Variants in SMAD1 observed in about 807,000 individuals in gnomAD.
SMAD1 encodes the protein MAD, mothers against decapentaplegic homolog 1.
A neutral mutation model predicts 41.6 loss-of-function variants in SMAD1; 6 were observed. The ratio of observed to expected loss-of-function variants is 0.14; its 90% CI spans 0.08 to 0.28. The LOEUF (loss-of-function observed/expected upper bound fraction) is 0.28, where lower values mean the gene tolerates loss of function less well. SMAD1 is among the 10% of genes least tolerant of loss of function. SMAD1 has a pLI of 1.00. For missense variants in SMAD1, 379 were observed against 582.6 expected (o/e 0.65, Z 3.60); for synonymous variants, 206 against 203.2 (o/e 1.01, Z -0.12).
At chr4:145,549,202 G>A (rs1244412361) in intron 5 of SMAD1, among the ~76,000 whole-genome samples, 1 of 152,144 alleles carries the variant, frequency 6.6e-6, no homozygotes, top group South Asian at 2.1e-4. Flanking sequence ...GTGCTGAACA[G>A]GAGAAAAAAT....
intron 2 of SMAD1, among the ~76,000 whole-genome samples, chr4:145,523,784 G>A (rs988364093): frequency 1.3e-5 from 2 of 152,192 alleles, no homozygotes; most frequent in Non-Finnish European, 2.9e-5. Context: ...AGAGGCTTCT[G>A]GCAGGAGGGG....
intron 2 of SMAD1, 107 bp downstream of exon 2, chr4:145,515,120 A>T (rs959472997): frequency 1.0e-5 from 11 of 1,090,362 alleles, no homozygotes; most frequent in Non-Finnish European, 1.4e-5. Context: ...GTAATTTAAA[A>T]ATATTTGGGG....
Position 145,515,024 on chromosome 4 carries a change from T to G in SMAD1, c.400+11T>G, listed in dbSNP as rs1406218829. On this transcript the variant is annotated intron_variant, in intron 2 of 6. Transcript: ENST00000302085. ...GAGTAGAAAGCCCTGGTAAGTGAGTTATTTTATGTTGATGTGCTTTGTGTG... is the reference window on the plus strand; with the variant it reads ...GAGTAGAAAGCCCTGGTAAGTGAGTGATTTTATGTTGATGTGCTTTGTGTG... 2.5e-6 allele frequency: 4 copies of G among 1,586,216 alleles called. No individual in the cohort carries two copies. The Admixed American group carries it at 7.0e-5, about 28-fold the overall frequency.
intron 2 of SMAD1, among the ~76,000 whole-genome samples, chr4:145,526,304 T>A (rs1197165541): frequency 6.6e-6 from 1 of 152,234 alleles, no homozygotes; most frequent in Non-Finnish European, 1.5e-5. Context: ...CCCTGTAGTT[T>A]CCCTATCAGT....
At chr4:145,486,795 G>T (rs1373939213) in intron 1 of SMAD1, among the ~76,000 whole-genome samples, 1 of 152,186 alleles carries the variant, frequency 6.6e-6, no homozygotes, top group African/African-American at 2.4e-5. Flanking sequence ...GAAGTCCAGA[G>T]AAGGTAACTG....
chr4:145,554,716 T>G (rs1732744622), intron 6 of SMAD1, among the ~76,000 whole-genome samples: 1 of 152,206 alleles, frequency 6.6e-6, no homozygotes, highest in South Asian at 2.1e-4. Context: ...AATAAAAATT[T>G]TTAAGATGCC....
rs11285972 is a variant in SMAD1, at chr4:145,501,641, C to CT, written c.-176-12784dup. 9.5e-3 allele frequency among the ~76,000 whole-genome samples: 1,301 copies of CT among 137,508 alleles called. 8 individuals carry two copies. Among genetic ancestry groups the CT allele is most frequent in the Non-Finnish European group, 0.014 (860 of 61,860 alleles). The allele number at this position is 137,508 out of a possible 152,430, so 90.2% of individuals were successfully genotyped here. ...ATGAAATACAGCAGGATTTTTGTTTCTTTTTTTTTTTTTAAAGGGATAGTT... is the reference window on the plus strand; with the variant it reads ...ATGAAATACAGCAGGATTTTTGTTTCTTTTTTTTTTTTTTAAAGGGATAGTT... On this transcript the variant is annotated intron_variant, in intron 1 of 6. Transcript: ENST00000302085.
chr4:145,528,084 C>G (rs981232225), intron 2 of SMAD1, among the ~76,000 whole-genome samples: 3 of 150,288 alleles, frequency 2.0e-5, no homozygotes, highest in Admixed American at 1.3e-4. Context: ...CACACACACA[C>G]ACACACACAT....
At chr4:145,545,585 ATTG>A (rs1279160003) in intron 4 of SMAD1, 2 of 140,416 alleles carry the variant, frequency 1.4e-5, no homozygotes, top group Non-Finnish European at 3.1e-5. Flanking sequence ...TGTGTTTGTT[ATTG>A]TTGTTTTGTT....
chr4:145,546,794 C>G lies in SMAD1; in HGVS notation c.867C>G (p.Ala289=). 1 of 1,613,906 alleles carries G rather than the reference C, an allele frequency of 6.2e-7. No homozygotes were observed. Among genetic ancestry groups the G allele is most frequent in the Non-Finnish European group, 8.5e-7 (1 of 1,179,780 alleles). Residue 289 remains alanine, a synonymous_variant, in exon 5 of 7, where the codon GCC becomes GCG. Transcript: ENST00000302085. ...LNNRVGEAFH[A]SSTSVLVDGF... Reference sequence around the variant, plus strand: ...ATCGTGTGGGTGAAGCGTTCCATGCCTCCTCCACAAGTGTGTTGGTGGATG... The same window carrying G: ...ATCGTGTGGGTGAAGCGTTCCATGCGTCCTCCACAAGTGTGTTGGTGGATG...
intron 2 of SMAD1, among the ~76,000 whole-genome samples, chr4:145,534,847 A>G (rs148313399): frequency 1.6e-3 from 245 of 152,342 alleles, no homozygotes; most frequent in African/African-American, 5.5e-3. Context: ...TAATCTGGGT[A>G]TAGGAGAAGG....
chr4:145,554,090 G>GT (rs1578834733), intron 6 of SMAD1, 50 bp downstream of exon 6: 38 of 1,342,766 alleles, frequency 2.8e-5, no homozygotes, highest in East Asian at 1.8e-4. Flanking sequence ...CTTTTGCTGT[G>GT]CTTTTTTTTT....
intron 5 of SMAD1, 105 bp downstream of exon 5, chr4:145,547,029 A>T: frequency 1.1e-6 from 1 of 896,958 alleles, no homozygotes; most frequent in Non-Finnish European, 1.8e-6. Context: ...AGCAAAGACC[A>T]GGTAATGTTC....
chr4:145,523,371 G>A (rs1296492140), intron 2 of SMAD1, among the ~76,000 whole-genome samples: 1 of 152,196 alleles, frequency 6.6e-6, no homozygotes, highest in Admixed American at 6.5e-5. Flanking sequence ...GTTGCAATCT[G>A]TGTGGTGATG....
At chr4:145,552,738 T>G (rs1283925070) in intron 5 of SMAD1, among the ~76,000 whole-genome samples, 1 of 152,204 alleles carries the variant, frequency 6.6e-6, no homozygotes. Context: ...TTTCTAAAAT[T>G]TTCCAAACAT....
chr4:145,550,406 G>A (rs1414393604), intron 5 of SMAD1, among the ~76,000 whole-genome samples: 2 of 152,086 alleles, frequency 1.3e-5, no homozygotes, highest in Middle Eastern at 3.2e-3. Flanking sequence ...CCAGCTACTC[G>A]GGAGACAGAG....
chr4:145,513,676 CA>C lies in SMAD1; in HGVS notation c.-176-755del, dbSNP rs1373734703. 5.9e-5 allele frequency among the ~76,000 whole-genome samples: 9 copies of C among 151,812 alleles called. No individual in the cohort carries two copies. In the East Asian group the frequency reaches 1.7e-3, roughly 29 times the overall value. On this transcript the variant is annotated intron_variant, in intron 1 of 6. Coordinates refer to ENST00000302085, the MANE Select transcript of SMAD1 (RefSeq NM_005900.3). ...CCTAAGAAATATTTGTAGAACAAAC[CA>C]AAAAAACAGAGATATTAGACTATTT...
chr4:145,496,507 A>G (rs1373475138), intron 1 of SMAD1, among the ~76,000 whole-genome samples: 1 of 152,174 alleles, frequency 6.6e-6, no homozygotes, highest in African/African-American at 2.4e-5. Context: ...TTGTTTTTGA[A>G]TATAGTTGAC....
rs1231336185 is a variant in SMAD1, at chr4:145,482,663, G to C, written c.-177+625G>C. ...CCCCAGCAAGCCTCTTTGGGGTCGA[G>C]GTCAAGGAAAGTTCGCACCGAGATC... On this transcript the variant is annotated intron_variant, in intron 1 of 6. Coordinates refer to ENST00000302085, the MANE Select transcript of SMAD1 (RefSeq NM_005900.3). The surrounding 1 kb of genome is among the most constrained non-coding windows in gnomAD (Gnocchi z 4.2). The C allele has an allele frequency of 6.6e-6, 1 of 151,866 alleles. No homozygotes were observed. The highest frequency in any genetic ancestry group is 2.1e-4 in the South Asian group (1 of 4,802). The allele number at this position is 151,866 out of a possible 1,614,324, so 9.4% of individuals were successfully genotyped here. A position where few individuals can be genotyped will look rare whatever the true frequency, so the allele number is the denominator to read the frequency against.
Sources: allele counts gnomAD v4.1 joint callset (sites outside exome capture counted in the v4.1 genomes callset), GRCh38; gene constraint gnomAD v4.1.1; non-coding constraint Gnocchi (gnomAD v3.1); transcripts MANE v1.5; gene names NCBI Gene and HGNC (gene_info 2026-07-23, HGNC 2026-07-21).